The following TSPAN15 variants were observed in gnomAD, a reference collection of about 807,000 sequenced individuals.
TSPAN15 encodes the protein tetraspanin-15.
A neutral mutation model predicts 34.5 loss-of-function variants in TSPAN15; 20 were observed. The ratio of observed to expected loss-of-function variants is 0.58; its 90% CI spans 0.41 to 0.84. The LOEUF (loss-of-function observed/expected upper bound fraction) is 0.84. TSPAN15 is among the 40% of genes least tolerant of loss of function. The probability of loss-of-function intolerance (pLI) is 0.00; values close to 1 mark genes in which losing one functional copy is unlikely to be tolerated. For synonymous variants in TSPAN15, 155 were observed against 153.9 expected (o/e 1.01, Z -0.05); for missense variants, 313 against 386.1 (o/e 0.81, Z 1.59).
intron 1 of TSPAN15, among the ~76,000 whole-genome samples, chr10:69,481,575 A>G (rs143384002): frequency 4.6e-5 from 7 of 152,334 alleles, no homozygotes; most frequent in African/African-American, 1.4e-4. Flanking sequence ...GCTTAAGGAC[A>G]TGATGATCAG....
In TSPAN15 at chr10:69,485,132, G is replaced by C. The variant is rs2133115562; in HGVS notation, c.283-9G>C. On this transcript the variant is annotated splice_polypyrimidine_tract_variant and intron_variant, in intron 2 of 7. Coordinates refer to ENST00000373290, the MANE Select transcript of TSPAN15 (RefSeq NM_012339.5). ...CTCTCCAGGTGAGTCTCTGAATTCTGTTTTCCAGTTCATGTACATCCTTGG... is the reference window on the plus strand; with the variant it reads ...CTCTCCAGGTGAGTCTCTGAATTCTCTTTTCCAGTTCATGTACATCCTTGG... The C allele has an allele frequency of 6.2e-7, 1 of 1,614,108 alleles. No individual in the cohort carries two copies. Among genetic ancestry groups the C allele is most frequent in the Non-Finnish European group, 8.5e-7 (1 of 1,179,978 alleles).
intron 1 of TSPAN15, among the ~76,000 whole-genome samples, chr10:69,464,440 C>T (rs572001523): frequency 3.3e-4 from 50 of 152,154 alleles, no homozygotes; most frequent in Non-Finnish European, 6.3e-4. Context: ...GCTTCTGTCC[C>T]GTCCTCAGGC....
intron 1 of TSPAN15, among the ~76,000 whole-genome samples, chr10:69,481,612 G>A (rs1841736553): frequency 6.6e-6 from 1 of 152,210 alleles, no homozygotes; most frequent in African/African-American, 2.4e-5. Flanking sequence ...GTCAGTTTAA[G>A]GCTCAGGCAG....
the TSPAN15 span, among the ~76,000 whole-genome samples, chr10:69,514,530 T>A: frequency 6.6e-6 from 1 of 152,240 alleles, no homozygotes; most frequent in Admixed American, 6.5e-5. Context: ...ATTTCTTTAA[T>A]GGATATAAGA....
intron 1 of TSPAN15, among the ~76,000 whole-genome samples, chr10:69,453,928 C>G (rs1841028551): frequency 1.3e-5 from 2 of 152,258 alleles, no homozygotes; most frequent in Non-Finnish European, 2.9e-5. Flanking sequence ...GCCAAGAACT[C>G]AGCCACCTGC....
chr10:69,456,155 T>G (rs1380871960), intron 1 of TSPAN15, among the ~76,000 whole-genome samples: 1 of 152,132 alleles, frequency 6.6e-6, no homozygotes, highest in Admixed American at 6.5e-5. Flanking sequence ...TGGTGTGATC[T>G]TGGCTCACTG....
chr10:69,516,929 C>G, the TSPAN15 span, among the ~76,000 whole-genome samples: 17 of 152,160 alleles, frequency 1.1e-4, no homozygotes, highest in Non-Finnish European at 2.5e-4. Flanking sequence ...GGAGCTGTGG[C>G]CCCTGCACTG....
chr10:69,464,205 T>A (rs1841332615), intron 1 of TSPAN15, among the ~76,000 whole-genome samples: 1 of 152,248 alleles, frequency 6.6e-6, no homozygotes, highest in African/African-American at 2.4e-5. Flanking sequence ...TGTGAGAGAT[T>A]AAACTTCTGT....
the TSPAN15 span, among the ~76,000 whole-genome samples, chr10:69,539,470 G>GAAT: frequency 0.021 from 1,251 of 58,902 alleles, 29 homozygotes; most frequent in Non-Finnish European, 0.028. Flanking sequence ...GAAGGAGAAG[G>GAAT]AGAAGGAGAA....
chr10:69,529,034 G>A, the TSPAN15 span, among the ~76,000 whole-genome samples: 5 of 148,214 alleles, frequency 3.4e-5, no homozygotes, highest in South Asian at 1.1e-3. Context: ...TTCTGCCCAG[G>A]AATTTGTCTG....
the TSPAN15 span, among the ~76,000 whole-genome samples, chr10:69,526,243 T>C: frequency 6.8e-6 from 1 of 147,728 alleles, no homozygotes; most frequent in African/African-American, 2.5e-5. Context: ...TTCTAGAAGA[T>C]TATGTTATCA....
intron 3 of TSPAN15, among the ~76,000 whole-genome samples, chr10:69,488,878 C>G (rs1222815902): frequency 2.6e-5 from 4 of 152,150 alleles, no homozygotes; most frequent in African/African-American, 9.7e-5. Flanking sequence ...AGGCAAAGGG[C>G]AAAAGCAGAA....
chr10:69,451,655 A>G lies in TSPAN15; in HGVS notation c.61A>G (p.Lys21Glu). The change falls in exon 1 of 8, where the codon AAG (lysine) becomes GAG (glutamate). Residue 21 changes from lysine to glutamate, a missense_variant. By Grantham distance (56) the Lys-to-Glu change is moderately conservative. Coordinates refer to ENST00000373290, the MANE Select transcript of TSPAN15 (RefSeq NM_012339.5). ...YCARFSYLWL[K>E]FSLIIYSTVF... is the part of the protein sequence containing the mutation. ...CGCGCGCTTCTCCTACCTCTGGCTC[A>G]AGTTTTCACTTATCATCTATTCCAC... The G allele has an allele frequency of 6.5e-7, 1 of 1,547,144 alleles. No individual in the cohort carries two copies. Among genetic ancestry groups the G allele is most frequent in the Non-Finnish European group, 8.7e-7 (1 of 1,145,208 alleles).
chr10:69,467,469 C>T (rs1312827504), intron 1 of TSPAN15, among the ~76,000 whole-genome samples: 2 of 152,250 alleles, frequency 1.3e-5, no homozygotes, highest in African/African-American at 4.8e-5. Context: ...CTTCCTTTAG[C>T]CAGGTGTGGT....
chr10:69,483,658 GTC>G (rs772485018), intron 1 of TSPAN15, 31 bp from the exon 2 acceptor site: 4 of 1,598,560 alleles, frequency 2.5e-6, no homozygotes, highest in Non-Finnish European at 3.4e-6. Flanking sequence ...AGTGACCTCA[GTC>G]TCTCTCTCAC....
intron 3 of TSPAN15, among the ~76,000 whole-genome samples, chr10:69,489,789 G>A (rs973634056): frequency 6.6e-6 from 1 of 152,252 alleles, no homozygotes; most frequent in African/African-American, 2.4e-5. Flanking sequence ...GCCATGCACT[G>A]GGGAGCTGGG....
At chr10:69,513,185 G>T in the TSPAN15 span, among the ~76,000 whole-genome samples, 4 of 152,148 alleles carry the variant, frequency 2.6e-5, no homozygotes, top group Non-Finnish European at 5.9e-5. Context: ...TAATCATGTT[G>T]AGTACTTTTC....
At chr10:69,475,109 G>A (rs1841588905) in intron 1 of TSPAN15, among the ~76,000 whole-genome samples, 1 of 152,174 alleles carries the variant, frequency 6.6e-6, no homozygotes, top group Non-Finnish European at 1.5e-5. Context: ...GGTCTGGAGA[G>A]TGAGGGAGAA....
chr10:69,531,680 A>G, the TSPAN15 span, among the ~76,000 whole-genome samples: 7 of 152,244 alleles, frequency 4.6e-5, no homozygotes, highest in African/African-American at 1.7e-4. Flanking sequence ...AAACAAAAAA[A>G]GCATGCCAGA....
Sources: gnomAD v4.1 joint callset for allele counts (sites outside exome capture counted in the v4.1 genomes callset) on GRCh38, gnomAD v4.1.1 for gene constraint, MANE v1.5 for transcripts, NCBI Gene and HGNC (gene_info 2026-07-23, HGNC 2026-07-21) for gene names.